KMT2E: variants seen among roughly 807,000 people sequenced by gnomAD.
KMT2E encodes histone reader KMT2E.
A neutral mutation model predicts 184.6 loss-of-function variants in KMT2E; 30 were observed. The ratio of observed to expected loss-of-function variants is 0.16; its 90% CI spans 0.12 to 0.22. The LOEUF (loss-of-function observed/expected upper bound fraction) is 0.22. Among genes scored for constraint, KMT2E ranks in the 10% least tolerant of loss-of-function variants. The pLI is 1.00. For synonymous variants in KMT2E, 815 were observed against 776.5 expected, an observed-to-expected ratio of 1.05 and a Z score of -0.82; for missense variants, 2,023 against 2,237.4, an observed-to-expected ratio of 0.90 and a Z score of 1.93.
intron 3 of KMT2E, among the ~76,000 whole-genome samples, chr7:105,060,030 CTG>C (rs1325601444): frequency 1.0e-5 from 1 of 99,990 alleles, no homozygotes; most frequent in African/African-American, 3.8e-5. Flanking sequence ...AGTCTTAACT[CTG>C]TCGCCCAGGC....
chr7:105,028,275 C>A (rs1362051839), intron 1 of KMT2E, among the ~76,000 whole-genome samples: 1 of 150,004 alleles, frequency 6.7e-6, no homozygotes, highest in East Asian at 2.0e-4. Context: ...TTCAAGCCAT[C>A]CTCTCACCTC....
chr7:105,017,434 G>GTTT (rs11432195), intron 1 of KMT2E, among the ~76,000 whole-genome samples: 2 of 116,054 alleles, frequency 1.7e-5, no homozygotes, highest in African/African-American at 3.4e-5. Flanking sequence ...TTTGTTTTTT[G>GTTT]TTTTTTTTTT....
chr7:105,027,992 A>G (rs956286130), intron 1 of KMT2E, among the ~76,000 whole-genome samples: 9 of 152,134 alleles, frequency 5.9e-5, no homozygotes, highest in African/African-American at 2.2e-4. Context: ...TTAGTGGCCA[A>G]CAGTATTCTG....
intron 1 of KMT2E, among the ~76,000 whole-genome samples, chr7:105,027,583 A>G (rs931328861): frequency 6.6e-6 from 1 of 152,290 alleles, no homozygotes. Flanking sequence ...TATTAATTCC[A>G]TAATTCATTT....
intron 1 of KMT2E, among the ~76,000 whole-genome samples, chr7:105,037,119 A>T (rs1357562742): frequency 6.6e-6 from 1 of 152,196 alleles, no homozygotes; most frequent in Non-Finnish European, 1.5e-5. Flanking sequence ...AATTAAGCCA[A>T]AAATTTACCT....
Position 105,113,345 on chromosome 7 carries a change from A to AAAAC in KMT2E, c.*14_*17dup. On this transcript the variant is annotated 3_prime_UTR_variant, in exon 27 of 27. Transcript: ENST00000311117. ...CAGGGTGGCATTAAAATGGACTCCA[A>AAAAC]AAACATTTTTTTAAATGTTCTGTAA... The AAAAC allele has an allele frequency of 2.5e-6, 4 of 1,592,822 alleles. No individual in the cohort carries two copies. Among genetic ancestry groups the AAAAC allele is most frequent in the African/African-American group, 1.3e-5 (1 of 74,302 alleles).
Position 105,108,043 on chromosome 7 carries a change from A to C in KMT2E, c.3468+118A>C, listed in dbSNP as rs979841221. 5.4e-5 allele frequency: 36 copies of C among 672,722 alleles called. No homozygotes were observed. The East Asian group carries it at 1.2e-3, about 22-fold the overall frequency. The allele number at this position is 672,722 out of a possible 1,614,324, so 41.7% of individuals were successfully genotyped here. A position where few individuals can be genotyped will look rare whatever the true frequency, so the allele number is the denominator to read the frequency against. On this transcript the variant is annotated intron_variant, in intron 22 of 26. Coordinates refer to ENST00000311117, the MANE Select transcript of KMT2E (RefSeq NM_182931.3). ...CATTCTTAATTTAGTTATTAAAGTT[A>C]CATTTTTAATATTTTTAAACCTTTT...
At chr7:105,032,510 A>AT (rs962162241) in intron 1 of KMT2E, among the ~76,000 whole-genome samples, 15 of 152,022 alleles carry the variant, frequency 9.9e-5, no homozygotes, top group South Asian at 2.1e-4. Flanking sequence ...TTACTTATTT[A>AT]TTTTTTTTAG....
chr7:105,072,492 C>T (rs924110324), intron 6 of KMT2E, among the ~76,000 whole-genome samples: 10 of 152,120 alleles, frequency 6.6e-5, no homozygotes, highest in Admixed American at 5.2e-4. Flanking sequence ...TAATCTAGAG[C>T]TCTTATTTTC....
At chr7:105,019,253 G>A (rs917176319) in intron 1 of KMT2E, among the ~76,000 whole-genome samples, 37 of 152,054 alleles carry the variant, frequency 2.4e-4, no homozygotes, top group African/African-American at 8.9e-4. Context: ...ATCAGAGTCA[G>A]GAAAAGCAGT....
At chr7:105,036,734 C>T (rs1037773723) in intron 1 of KMT2E, among the ~76,000 whole-genome samples, 4 of 152,176 alleles carry the variant, frequency 2.6e-5, no homozygotes, top group Non-Finnish European at 5.9e-5. Flanking sequence ...GCTTCTAGAG[C>T]ACTATCTGGT....
intron 3 of KMT2E, among the ~76,000 whole-genome samples, chr7:105,050,687 TTC>T (rs1334371343): frequency 2.6e-5 from 4 of 151,246 alleles, no homozygotes; most frequent in Middle Eastern, 3.2e-3. Flanking sequence ...CTTTCTTTCT[TTC>T]TCTTTCTCTC....
chr7:105,091,346 T>G, intron 15 of KMT2E, 32 bp downstream of exon 15: 1 of 1,167,794 alleles, frequency 8.6e-7, no homozygotes, highest in South Asian at 1.2e-5. Context: ...TTGGGCTTAG[T>G]GACAGCTGCT....
intron 1 of KMT2E, among the ~76,000 whole-genome samples, chr7:105,031,658 A>G (rs1184858614): frequency 2.0e-5 from 3 of 151,494 alleles, no homozygotes; most frequent in Non-Finnish European, 4.4e-5. Context: ...AGGCTGAGGC[A>G]GGAGAATTGG....
rs746546626 is a variant in KMT2E, at chr7:105,113,056, A to G, written c.5300A>G (p.His1767Arg). 1 of 1,614,050 alleles carries G rather than the reference A, an allele frequency of 6.2e-7. No individual in the cohort carries two copies. Among genetic ancestry groups the G allele is most frequent in the Non-Finnish European group, 8.5e-7 (1 of 1,180,006 alleles). ...CCACCGTATCCCTCACAAGCTACAC[A>G]TCATACCACTTTGGGACCGGGACCC... The part of the protein sequence containing the change: ...TVPPYPSQAT[H>R]HTTLGPGPQH... Residue 1767 changes from histidine to arginine, a missense_variant, in exon 27 of 27, where the codon CAT (histidine) becomes CGT (arginine). By Grantham distance (29) the His-to-Arg change is conservative (BLOSUM62 0). Coordinates refer to ENST00000311117, the MANE Select transcript of KMT2E (RefSeq NM_182931.3).
At chr7:105,016,042 C>A (rs985640482) in intron 1 of KMT2E, among the ~76,000 whole-genome samples, 2 of 151,848 alleles carry the variant, frequency 1.3e-5, no homozygotes, top group African/African-American at 4.8e-5. Context: ...ATTCAATATG[C>A]CAAAGTAGAT....
intron 17 of KMT2E, 122 bp downstream of exon 17, chr7:105,102,316 G>C: frequency 1.4e-6 from 1 of 702,588 alleles, no homozygotes; most frequent in South Asian, 2.4e-5. Flanking sequence ...TATACTTGCA[G>C]ATTTTAAAAC....
At chr7:105,053,424 TGAAG>T (rs1185956554) in intron 3 of KMT2E, among the ~76,000 whole-genome samples, 1 of 152,186 alleles carries the variant, frequency 6.6e-6, no homozygotes, top group East Asian at 1.9e-4. Context: ...GTTTAATTGA[TGAAG>T]GATTAAAGAT....
chr7:105,027,082 T>C (rs1035462447), intron 1 of KMT2E, among the ~76,000 whole-genome samples: 11 of 144,938 alleles, frequency 7.6e-5, no homozygotes, highest in Non-Finnish European at 1.7e-4. Flanking sequence ...CTCTTTTTTT[T>C]TTTTTTTTTT....
Sources: allele counts gnomAD v4.1 joint callset (sites outside exome capture counted in the v4.1 genomes callset), GRCh38; gene constraint gnomAD v4.1.1; transcripts MANE v1.5; gene names NCBI Gene and HGNC (gene_info 2026-07-23, HGNC 2026-07-21).